ZNF43: variants seen among roughly 807,000 people sequenced by gnomAD.
ZNF43 encodes zinc finger protein 43.
A neutral mutation model predicts 68.4 loss-of-function variants in ZNF43; 44 were observed. The ratio of observed to expected loss-of-function variants is 0.64; its 90% CI spans 0.51 to 0.83. The LOEUF (loss-of-function observed/expected upper bound fraction) is 0.83. ZNF43 is among the 40% of genes least tolerant of loss of function. The probability of loss-of-function intolerance (pLI) is 0.00; values close to 1 mark genes in which losing one functional copy is unlikely to be tolerated. For synonymous variants in ZNF43, 308 were observed against 307.8 expected (o/e 1.00, Z -0.01); for missense variants, 896 against 933.2 (o/e 0.96, Z 0.52).
At position 21,844,912 on chromosome 19, in the gene ZNF43, AAAAAAAAAAATATATATATATATAT is replaced by A. The variant is rs1333278981; in HGVS notation, c.30+6968_30+6992del. Reference sequence around the variant, plus strand: ...ATTCCGTCTCAAAAAAAAAAAAAAAAAAAAAAAAAATATATATATATATATATATATATATGTTACAATGTTACAA... The same window carrying A: ...ATTCCGTCTCAAAAAAAAAAAAAAAAATATATATATGTTACAATGTTACAA... On this transcript the variant is annotated intron_variant, in intron 1 of 3. Transcript: ENST00000357491. Among the ~76,000 whole-genome samples, 8 of 118,596 alleles carry A rather than the reference AAAAAAAAAAATATATATATATATAT, an allele frequency of 6.7e-5. 1 individual carries two copies. Among genetic ancestry groups the A allele is most frequent in the African/African-American group, 2.8e-4 (7 of 25,288 alleles). 77.8% of individuals were successfully genotyped at this position (118,596 alleles called of 152,430 possible).
At chr19:21,825,144 G>A (rs572022235) in intron 1 of ZNF43, among the ~76,000 whole-genome samples, 1 of 152,264 alleles carries the variant, frequency 6.6e-6, no homozygotes, top group South Asian at 2.1e-4. Context: ...TAAGGCAGGA[G>A]AACTGCTTGA....
At chr19:21,823,275 A>G (rs918993329) in intron 1 of ZNF43, among the ~76,000 whole-genome samples, 17 of 152,184 alleles carry the variant, frequency 1.1e-4, no homozygotes, top group Non-Finnish European at 2.1e-4. Flanking sequence ...TGGCCATAAG[A>G]AATGGTAGAA....
rs2036872220 is a variant in ZNF43 at position 21,804,997 on chromosome 19, T to G, written c.*2610A>C. 1 of 152,184 alleles carries G rather than the reference T, an allele frequency of 6.6e-6. No individual in the cohort carries two copies. The highest frequency in any genetic ancestry group is 2.4e-5 in the African/African-American group (1 of 41,438). The allele number at this position is 152,184 out of a possible 1,614,324, so 9.4% of individuals were successfully genotyped here. Reference sequence around the variant, plus strand: ...ACTTTATTTATACTTCTATATAATTTTTATAATTAAAATGACCCTGTAGTC... The same window carrying G: ...ACTTTATTTATACTTCTATATAATTGTTATAATTAAAATGACCCTGTAGTC... On this transcript the variant is annotated 3_prime_UTR_variant, in exon 4 of 4. Transcript: ENST00000354959.
In ZNF43 at chr19:21,809,515, G is replaced by A. The variant is rs1185642774; in HGVS notation, c.522C>T (p.Phe174=). Residue 174 remains phenylalanine, a synonymous_variant, in exon 4 of 4, where the codon TTC becomes TTT. Coordinates refer to ENST00000354959, the MANE Select transcript of ZNF43 (RefSeq NM_003423.4). ...HKISHTEKKL[F]KCKECGKSFC... ...ATGATTTGCCACATTCTTTGCATTTGAAAAGTTTTTTTTCAGTATGGCTTA... is the reference window on the plus strand; with the variant it reads ...ATGATTTGCCACATTCTTTGCATTTAAAAAGTTTTTTTTCAGTATGGCTTA... The A allele has an allele frequency of 6.2e-7, 1 of 1,613,280 alleles. No individual in the cohort carries two copies. The highest frequency in any genetic ancestry group is 8.5e-7 in the Non-Finnish European group (1 of 1,179,660).
Position 21,809,340 on chromosome 19 carries a change from C to T in ZNF43, c.697G>A (p.Glu233Lys), listed in dbSNP as rs140965080. 2,122 of 1,613,766 alleles carry T rather than the reference C, an allele frequency of 1.3e-3. 3 individuals carry two copies. Among genetic ancestry groups the T allele is most frequent in the Non-Finnish European group, 1.7e-3 (1,999 of 1,179,896 alleles). The change falls in exon 4 of 4, where the codon GAA (glutamate) becomes AAA (lysine). Residue 233 changes from glutamate to lysine, a missense_variant. Glu to Lys is a moderately conservative substitution (Grantham distance 56, BLOSUM62 1). Transcript: ENST00000354959. The stretch of plus-strand genomic sequence containing the variant: ...CAATTAAAGACTTTGCCACATTCTT[C>T]ACATGTGTAGGGTTTCTCTCCAGTA... ...INTGEKPYTC[E>K]ECGKVFNWSS...
intron 3 of ZNF43, among the ~76,000 whole-genome samples, chr19:21,817,070 T>A (rs12973647): frequency 2.0e-5 from 3 of 151,892 alleles, no homozygotes; most frequent in Non-Finnish European, 4.4e-5. Context: ...GGCGAAACCC[T>A]GTCTCTACTA....
chr19:21,824,145 C>T (rs886722097), intron 1 of ZNF43, among the ~76,000 whole-genome samples: 3 of 152,110 alleles, frequency 2.0e-5, no homozygotes, highest in Non-Finnish European at 2.9e-5. Context: ...AAGATCGTGC[C>T]ACTGCGCTCC....
chr19:21,839,528 T>C (rs1967369493), upstream of ZNF43: 2 of 152,056 alleles, frequency 1.3e-5, no homozygotes, highest in South Asian at 4.2e-4. Context: ...ATCTAAGTAA[T>C]GGGCCCAGAG....
intron 2 of ZNF43, 58 bp downstream of exon 2, chr19:21,819,036 GA>G: frequency 6.4e-7 from 1 of 1,562,014 alleles, no homozygotes; most frequent in Non-Finnish European, 8.6e-7. Context: ...ACAGTCTACA[GA>G]AAACAAAAAT....
At chr19:21,831,845 T>A (rs1039259335) in intron 1 of ZNF43, among the ~76,000 whole-genome samples, 1 of 152,086 alleles carries the variant, frequency 6.6e-6, no homozygotes, top group Non-Finnish European at 1.5e-5. Context: ...AGGTGAAAGA[T>A]CTCTATGACA....
chr19:21,818,445 G>A (rs1251939891), intron 2 of ZNF43, among the ~76,000 whole-genome samples: 5 of 152,112 alleles, frequency 3.3e-5, no homozygotes, highest in Non-Finnish European at 1.5e-5. Context: ...GTTTGAGACA[G>A]AGTCTCACTC....
At chr19:21,822,704 C>T (rs1399745188) in intron 1 of ZNF43, among the ~76,000 whole-genome samples, 1 of 151,702 alleles carries the variant, frequency 6.6e-6, no homozygotes, top group Non-Finnish European at 1.5e-5. Flanking sequence ...ACTGGGGAGG[C>T]TGAGGGGGGA....
In ZNF43 at chr19:21,806,337, G is replaced by C. The variant is rs2036941859; in HGVS notation, c.*1270C>G. ...GATTATAGGTGCCTGGTAAATTTTTGTATTTTTAGTAAAGACAGGGTTTCA... is the reference window on the plus strand; with the variant it reads ...GATTATAGGTGCCTGGTAAATTTTTCTATTTTTAGTAAAGACAGGGTTTCA... On this transcript the variant is annotated 3_prime_UTR_variant, in exon 4 of 4. Coordinates refer to ENST00000354959, the MANE Select transcript of ZNF43 (RefSeq NM_003423.4). 6.6e-6 allele frequency: 1 copy of C among 151,856 alleles called. No individual in the cohort carries two copies. The highest frequency in any genetic ancestry group is 1.5e-5 in the Non-Finnish European group (1 of 67,964). 9.4% of individuals were successfully genotyped at this position (151,856 alleles called of 1,614,324 possible). A position where few individuals can be genotyped will look rare whatever the true frequency, so the allele number is the denominator to read the frequency against.
At chr19:21,838,757 T>C (rs939611997), upstream of ZNF43, 1 of 152,138 alleles carries the variant, frequency 6.6e-6, no homozygotes, top group Non-Finnish European at 1.5e-5. Flanking sequence ...CATAATTTTA[T>C]AGTGGATCTT....
upstream of ZNF43, chr19:21,836,299 C>G (rs866723275): frequency 8.1e-7 from 1 of 1,237,020 alleles, no homozygotes. Flanking sequence ...CCCCGCAAAC[C>G]CTGAATGAAA....
At chr19:21,812,771 CA>C (rs376356453) in intron 3 of ZNF43, among the ~76,000 whole-genome samples, 27 of 151,738 alleles carry the variant, frequency 1.8e-4, no homozygotes, top group African/African-American at 6.3e-4. Context: ...GCCAACATGG[CA>C]AAACCCCATC....
chr19:21,807,778 C>G lies in ZNF43; in HGVS notation c.2259G>C (p.Lys753Asn). 6.2e-7 allele frequency: 1 copy of G among 1,613,112 alleles called. No individual in the cohort carries two copies. The highest frequency in any genetic ancestry group is 8.5e-7 in the Non-Finnish European group (1 of 1,179,602). Residue 753 changes from lysine (K) to asparagine (N), a missense_variant, in exon 4 of 4, where the codon AAG (lysine) becomes AAC (asparagine). Transcript: ENST00000354959. ...FNYSSHLNTH[K>N]RIHTKEQPYK... ...AGGGTTGCTCTTTAGTATGAATTCT[C>G]TTATGTGTATTAAGGTGTGAGGAAT...
intron 1 of ZNF43, among the ~76,000 whole-genome samples, chr19:21,821,138 A>ATTT (rs74174043): frequency 1.8e-4 from 21 of 118,536 alleles, no homozygotes; most frequent in African/African-American, 4.9e-4. Flanking sequence ...CCCGGCTGTA[A>ATTT]TTTTTTTTTT....
rs1208832157 is a variant in ZNF43 at position 21,842,422 on chromosome 19, A to AG, written c.30+9482_30+9483insC. Among the ~76,000 whole-genome samples, 11 of 145,068 alleles carry AG rather than the reference A, an allele frequency of 7.6e-5. No individual in the cohort carries two copies. The East Asian group carries it at 2.0e-3, about 26-fold the overall frequency. ...GACTCCATCTCAAAAAAAAAAAAAA[A>AG]CAATAAAATAAAAAAATCACAATCC... On this transcript the variant is annotated intron_variant, in intron 1 of 3. Transcript: ENST00000357491.
Sources: allele counts gnomAD v4.1 joint callset (sites outside exome capture counted in the v4.1 genomes callset), GRCh38; gene constraint gnomAD v4.1.1; transcripts MANE v1.5; gene names NCBI Gene and HGNC (gene_info 2026-07-23, HGNC 2026-07-21).